RAPGEF6: variants seen among roughly 807,000 people sequenced by gnomAD.
The protein encoded by RAPGEF6 is PDZ domain containing guanine nucleotide exchange factor (GEF) 2.
RAPGEF6 carries 56 observed loss-of-function variants against 171.4 expected under a neutral mutation model. The observed-to-expected ratio is 0.33, with a 90% confidence interval of 0.26 to 0.41. The LOEUF is 0.41. RAPGEF6 is among the 10% of genes least tolerant of loss of function. The probability of loss-of-function intolerance (pLI) is 1.00; values close to 1 mark genes in which losing one functional copy is unlikely to be tolerated. For synonymous variants in RAPGEF6, 692 were observed against 650.1 expected, an observed-to-expected ratio of 1.06 and a Z score of -0.98; for missense variants, 1,674 against 1,921.4, an observed-to-expected ratio of 0.87 and a Z score of 2.41.
Position 131,531,446 on chromosome 5 carries a change from AAGGTTGT to A in RAPGEF6, c.496-9932_496-9926del, listed in dbSNP as rs1179573220. 3.3e-5 allele frequency among the ~76,000 whole-genome samples: 5 copies of A among 152,216 alleles called. No individual in the cohort carries two copies. The East Asian group carries it at 9.6e-4, about 29-fold the overall frequency. On this transcript the variant is annotated intron_variant, in intron 6 of 27. Transcript: ENST00000509018. ...TATATTTTCCTACAACCTAGCCTGG[AAGGTTGT>A]ATAGCACTTTGCTTTTTTGTGAGTT... is the stretch of plus-strand genomic sequence containing the variant.
chr5:131,430,651 G>C, intron 26 of RAPGEF6: 1 of 736,362 alleles, frequency 1.4e-6, no homozygotes, highest in Non-Finnish European at 2.4e-6. Flanking sequence ...CTTCACATCA[G>C]ACTTTTCATT....
chr5:131,489,387 C>T (rs981403268), intron 15 of RAPGEF6, among the ~76,000 whole-genome samples, 159 bp downstream of exon 15: 1 of 152,098 alleles, frequency 6.6e-6, no homozygotes, highest in Non-Finnish European at 1.5e-5. Flanking sequence ...AATGAAAATT[C>T]TAGAATACAT....
intron 6 of RAPGEF6, among the ~76,000 whole-genome samples, chr5:131,544,362 C>A (rs1014344003): frequency 6.6e-6 from 1 of 151,770 alleles, no homozygotes; most frequent in Admixed American, 6.6e-5. Context: ...ATAATACCCA[C>A]AAGAGAGGGG....
At chr5:131,597,281 G>GT (rs1273373998) in intron 3 of RAPGEF6, among the ~76,000 whole-genome samples, 1 of 150,918 alleles carries the variant, frequency 6.6e-6, no homozygotes, top group Non-Finnish European at 1.5e-5. Flanking sequence ...ACGTAAATTA[G>GT]TAGTTATTAT....
chr5:131,507,410 T>C (rs1051522194), intron 9 of RAPGEF6, among the ~76,000 whole-genome samples: 3 of 152,034 alleles, frequency 2.0e-5, no homozygotes, highest in African/African-American at 7.2e-5. Flanking sequence ...GCTGTACCAA[T>C]TTACATTTCC....
rs780255826 is a variant in RAPGEF6, at chr5:131,464,022, C to T, written c.2480+19G>A. 1.3e-6 allele frequency: 2 copies of T among 1,542,600 alleles called. No individual in the cohort carries two copies. The highest frequency in any genetic ancestry group is 1.3e-5 in the South Asian group (1 of 79,782). ...AAGCACATCTACAAATAAGCACATC[C>T]ACTAATAAGCTTATTCACCTTCCAT... On this transcript the variant is annotated intron_variant, in intron 18 of 27. Transcript: ENST00000509018.
intron 2 of RAPGEF6, among the ~76,000 whole-genome samples, chr5:131,603,853 A>T (rs1764393426): frequency 1.3e-5 from 2 of 152,014 alleles, no homozygotes; most frequent in Non-Finnish European, 2.9e-5. Flanking sequence ...AATCTCTAAT[A>T]ATTATATTTT....
intron 27 of RAPGEF6, among the ~76,000 whole-genome samples, chr5:131,428,518 T>C (rs1751505320): frequency 6.6e-6 from 1 of 151,866 alleles, no homozygotes; most frequent in African/African-American, 2.4e-5. Context: ...TGGAGTGCAA[T>C]GGTGCGATCT....
Position 131,603,387 on chromosome 5 carries a change from T to C in RAPGEF6, c.141-60A>G, listed in dbSNP as rs971925002. 7 of 1,148,896 alleles carry C rather than the reference T, an allele frequency of 6.1e-6. No individual in the cohort carries two copies. In the South Asian group the frequency reaches 8.9e-5, roughly 15 times the overall value. The allele number at this position is 1,148,896 out of a possible 1,614,324, so 71.2% of individuals were successfully genotyped here. ...ATTTTGTTTTTAAAATTGTTATAAT[T>C]TGACCTCAACTAATTATTATAATCT... is the stretch of plus-strand genomic sequence containing the variant. On this transcript the variant is annotated intron_variant, in intron 2 of 27. Coordinates refer to ENST00000509018, the MANE Select transcript of RAPGEF6 (RefSeq NM_016340.6).
chr5:131,596,570 A>C (rs929459142), intron 3 of RAPGEF6, among the ~76,000 whole-genome samples: 2 of 152,084 alleles, frequency 1.3e-5, no homozygotes, highest in African/African-American at 2.4e-5. Flanking sequence ...ACTGCAACCA[A>C]AAAAGCATGG....
intron 4 of RAPGEF6, among the ~76,000 whole-genome samples, chr5:131,591,821 A>G (rs1488838987): frequency 6.6e-6 from 1 of 152,158 alleles, no homozygotes; most frequent in Non-Finnish European, 1.5e-5. Flanking sequence ...TGAATCAAAA[A>G]CCAATTAGAT....
intron 15 of RAPGEF6, among the ~76,000 whole-genome samples, chr5:131,487,313 A>G (rs560091766): frequency 1.7e-3 from 266 of 152,366 alleles, no homozygotes; most frequent in Admixed American, 3.7e-3. Context: ...CAAAGCTTCC[A>G]GAGGGTGGAA....
chr5:131,508,278 A>G, intron 8 of RAPGEF6, 71 bp from the exon 9 acceptor site: 1 of 1,373,006 alleles, frequency 7.3e-7, no homozygotes. Context: ...CGAAATCTAG[A>G]ATTCAATTCC....
At chr5:131,592,819 CAT>C (rs1311484774) in intron 3 of RAPGEF6, among the ~76,000 whole-genome samples, 1 of 152,100 alleles carries the variant, frequency 6.6e-6, no homozygotes, top group Non-Finnish European at 1.5e-5. Flanking sequence ...AATTAAGAAA[CAT>C]GTTTCCTAGA....
rs11269268 is a variant in RAPGEF6, at chr5:131,445,493, C to CTGTGTGTGTGTGTGTGTGTGTGTGTG, written c.3421+989_3421+990insCACACACACACACACACACACACACA. ...TTTATGGGCAAATTTAACTCACTCT[C>CTGTGTGTGTGTGTGTGTGTGTGTGTG]TGTGTGTGTGTGTGTGTGTGTGTGT... On this transcript the variant is annotated intron_variant, in intron 22 of 27. Transcript: ENST00000509018. 8.5e-3 allele frequency among the ~76,000 whole-genome samples: 1,254 copies of CTGTGTGTGTGTGTGTGTGTGTGTGTG among 147,274 alleles called. 19 individuals are homozygous for CTGTGTGTGTGTGTGTGTGTGTGTGTG. The highest frequency in any genetic ancestry group is 0.03 in the African/African-American group (1,174 of 39,320).
chr5:131,608,101 A>G (rs527302247), intron 1 of RAPGEF6, among the ~76,000 whole-genome samples: 49 of 152,198 alleles, frequency 3.2e-4, no homozygotes, highest in Non-Finnish European at 6.6e-4. Context: ...TGCTACTGGC[A>G]TCATGTAGGT....
intron 4 of RAPGEF6, among the ~76,000 whole-genome samples, chr5:131,585,379 C>A (rs550139216): frequency 2.6e-5 from 4 of 151,966 alleles, no homozygotes; most frequent in African/African-American, 7.2e-5. Context: ...CTTGAGCCTC[C>A]CAAATCACTA....
At chr5:131,624,889 G>A (rs1013538710) in intron 1 of RAPGEF6, among the ~76,000 whole-genome samples, 2 of 152,214 alleles carry the variant, frequency 1.3e-5, no homozygotes, top group Non-Finnish European at 2.9e-5. Context: ...TTGGGAGGTC[G>A]AGGCGGGCAG....
chr5:131,500,471 G>A (rs1416152326), intron 11 of RAPGEF6, among the ~76,000 whole-genome samples: 1 of 152,048 alleles, frequency 6.6e-6, no homozygotes, highest in African/African-American at 2.4e-5. Flanking sequence ...AATCACAGAG[G>A]CAGGGTCCCT....
Sources: allele counts gnomAD v4.1 joint callset (sites outside exome capture counted in the v4.1 genomes callset), GRCh38; gene constraint gnomAD v4.1.1; transcripts MANE v1.5; gene names NCBI Gene and HGNC (gene_info 2026-07-23, HGNC 2026-07-21).